Variants in NKAIN3 observed in about 807,000 individuals in gnomAD.
NKAIN3 encodes the protein sodium/potassium-transporting ATPase subunit beta-1-interacting protein 3.
NKAIN3 carries 25 observed loss-of-function variants against 30.2 expected under a neutral mutation model. The observed-to-expected ratio is 0.83, with a 90% CI of 0.60 to 1.16. NKAIN3 has a LOEUF of 1.16. Ranked by LOEUF, NKAIN3 falls within the 50% of genes most tolerant of loss-of-function variation. The pLI is 0.00. For missense variants in NKAIN3, 225 were observed against 254.1 expected (o/e 0.89, Z 0.78); for synonymous variants, 91 against 89.6 (o/e 1.02, Z -0.09).
At chr8:62,902,877 GTTC>G (rs1821655456) in intron 4 of NKAIN3, among the ~76,000 whole-genome samples, 1 of 152,168 alleles carries the variant, frequency 6.6e-6, no homozygotes, top group African/African-American at 2.4e-5. Flanking sequence ...CTTAGGCAAT[GTTC>G]TTATTCCTTA....
At chr8:62,733,255 T>C (rs1431680111) in intron 3 of NKAIN3, among the ~76,000 whole-genome samples, 2 of 152,134 alleles carry the variant, frequency 1.3e-5, no homozygotes, top group Non-Finnish European at 2.9e-5. Context: ...GCCTCATAAG[T>C]TAGGCATTAT....
At chr8:62,956,717 CTGAT>C (rs1191396493) in intron 6 of NKAIN3, among the ~76,000 whole-genome samples, 6 of 152,158 alleles carry the variant, frequency 3.9e-5, no homozygotes, top group Non-Finnish European at 7.4e-5. Context: ...TTTACTATCA[CTGAT>C]TGATTGCCTA....
chr8:62,292,562 C>G (rs907955946), intron 1 of NKAIN3, among the ~76,000 whole-genome samples: 2 of 152,146 alleles, frequency 1.3e-5, no homozygotes, highest in African/African-American at 4.8e-5. Context: ...TGAATATTGG[C>G]CCCTAATCTC....
intron 1 of NKAIN3, among the ~76,000 whole-genome samples, chr8:62,265,115 T>C (rs1404110066): frequency 1.3e-5 from 2 of 152,196 alleles, no homozygotes; most frequent in African/African-American, 4.8e-5. Context: ...AGTTTGGCAT[T>C]AATTTTAAGT....
chr8:62,728,657 C>T (rs565111835), intron 3 of NKAIN3, among the ~76,000 whole-genome samples: 58 of 148,074 alleles, frequency 3.9e-4, no homozygotes, highest in African/African-American at 1.4e-3. Flanking sequence ...AAGAACGAAA[C>T]TTCGTCTCAA....
At chr8:62,328,114 T>C (rs75203984) in intron 1 of NKAIN3, among the ~76,000 whole-genome samples, 2,978 of 152,192 alleles carry the variant, frequency 0.02, 96 homozygotes, top group African/African-American at 0.066. Flanking sequence ...GAAAAATGTA[T>C]ATCAATTTTG....
intron 1 of NKAIN3, among the ~76,000 whole-genome samples, chr8:62,262,530 G>A (rs1812474100): frequency 6.6e-6 from 1 of 152,128 alleles, no homozygotes; most frequent in African/African-American, 2.4e-5. Flanking sequence ...TATTGTGATT[G>A]CCAAAGATTT....
chr8:62,520,373 T>C (rs1808118640), intron 1 of NKAIN3, among the ~76,000 whole-genome samples: 1 of 152,142 alleles, frequency 6.6e-6, no homozygotes, highest in Non-Finnish European at 1.5e-5. Context: ...AAACATAAAG[T>C]AAAATTAATT....
intron 1 of NKAIN3, among the ~76,000 whole-genome samples, chr8:62,471,861 C>A (rs1806360488): frequency 6.6e-6 from 1 of 152,034 alleles, no homozygotes; most frequent in African/African-American, 2.4e-5. Context: ...AGAACAATTG[C>A]TTGAGCCCAA....
At chr8:62,561,658 A>G (rs1809581904) in intron 1 of NKAIN3, among the ~76,000 whole-genome samples, 1 of 152,128 alleles carries the variant, frequency 6.6e-6, no homozygotes, top group African/African-American at 2.4e-5. Flanking sequence ...CTGTAAAATT[A>G]GGGCAAAAAT....
intron 1 of NKAIN3, among the ~76,000 whole-genome samples, chr8:62,501,034 C>T (rs1241855547): frequency 1.3e-5 from 2 of 152,140 alleles, no homozygotes; most frequent in African/African-American, 4.8e-5. Context: ...ATTATATTCA[C>T]ATAAACATAT....
chr8:62,935,205 C>T (rs566919044), intron 5 of NKAIN3, among the ~76,000 whole-genome samples: 43 of 152,250 alleles, frequency 2.8e-4, no homozygotes, highest in Non-Finnish European at 5.1e-4. Flanking sequence ...TCCACAGGGA[C>T]ACAACACTGT....
chr8:62,641,448 AAT>A, intron 3 of NKAIN3, among the ~76,000 whole-genome samples: 1 of 152,296 alleles, frequency 6.6e-6, no homozygotes, highest in East Asian at 1.9e-4. Flanking sequence ...TTAGCTATGA[AAT>A]ACCTTATCAC....
intron 3 of NKAIN3, among the ~76,000 whole-genome samples, chr8:62,675,956 T>C (rs1298251375): frequency 2.0e-5 from 3 of 152,226 alleles, no homozygotes; most frequent in Non-Finnish European, 4.4e-5. Context: ...CCACAAACAA[T>C]ACATTCCCTG....
chr8:62,652,241 TTACTTG>T (rs1812644165), intron 3 of NKAIN3, among the ~76,000 whole-genome samples: 1 of 152,180 alleles, frequency 6.6e-6, no homozygotes, highest in Non-Finnish European at 1.5e-5. Context: ...AAGAGAACTA[TTACTTG>T]GCAATTTTTA....
chr8:62,599,336 CT>C (rs1340667607), intron 3 of NKAIN3, among the ~76,000 whole-genome samples: 1 of 151,968 alleles, frequency 6.6e-6, no homozygotes, highest in Admixed American at 6.6e-5. Flanking sequence ...TGGGGAATGA[CT>C]GTGGGTAGGT....
At chr8:62,292,101 TCC>T (rs1813660720) in intron 1 of NKAIN3, among the ~76,000 whole-genome samples, 1 of 152,190 alleles carries the variant, frequency 6.6e-6, no homozygotes, top group Admixed American at 6.5e-5. Context: ...TAGATCTTCC[TCC>T]ATCCCTTTAT....
chr8:62,460,584 C>A (rs1293618966), intron 1 of NKAIN3, among the ~76,000 whole-genome samples: 1 of 152,028 alleles, frequency 6.6e-6, no homozygotes, highest in Non-Finnish European at 1.5e-5. Flanking sequence ...GAGTCCCATT[C>A]CCTGCTCTCC....
At position 62,957,414 on chromosome 8, in the gene NKAIN3, G is replaced by T. The variant is rs952975333; in HGVS notation, c.603+3442G>T. On this transcript the variant is annotated intron_variant, in intron 6 of 6. Coordinates refer to ENST00000623646, the MANE Select transcript of NKAIN3 (RefSeq NM_001304533.3). ...CTCCCAAAGTGTTGGGATTACAGGC[G>T]TGAGCCACCGCGCCCGGCCTATAGC... is the stretch of plus-strand genomic sequence containing the variant. Among the ~76,000 whole-genome samples, 3 of 152,292 alleles carry T rather than the reference G, an allele frequency of 2.0e-5. No individual in the cohort carries two copies. The East Asian group carries it at 5.8e-4, about 29-fold the overall frequency.
Sources: allele counts gnomAD v4.1 joint callset (sites outside exome capture counted in the v4.1 genomes callset), GRCh38; gene constraint gnomAD v4.1.1; transcripts MANE v1.5; gene names NCBI Gene and HGNC (gene_info 2026-07-23, HGNC 2026-07-21).